BTC: variants seen among roughly 807,000 people sequenced by gnomAD.
BTC encodes probetacellulin.
BTC carries 13 observed loss-of-function variants against 18.1 expected under a neutral mutation model. That is an observed-to-expected ratio of 0.72 (90% confidence interval 0.47 to 1.14). BTC has a LOEUF of 1.14. Among genes scored for constraint, BTC ranks in the 50% most tolerant of loss-of-function variants. The probability of loss-of-function intolerance (pLI) is 0.00; values close to 1 mark genes in which losing one functional copy is unlikely to be tolerated. For missense variants in BTC, 247 were observed against 224.2 expected, an observed-to-expected ratio of 1.10 and a Z score of -0.65; for synonymous variants, 83 against 79.4, an observed-to-expected ratio of 1.05 and a Z score of -0.24.
At chr4:74,758,960 CACACACAT>C (rs1418829105) in intron 2 of BTC, among the ~76,000 whole-genome samples, 3 of 152,130 alleles carry the variant, frequency 2.0e-5, no homozygotes, top group African/African-American at 7.2e-5. Flanking sequence ...TACACACACA[CACACACAT>C]ACACACATAC....
chr4:74,773,174 A>G (rs551049662), intron 1 of BTC, among the ~76,000 whole-genome samples: 5 of 152,218 alleles, frequency 3.3e-5, no homozygotes, highest in Non-Finnish European at 5.9e-5. Flanking sequence ...ACAGTTTTTA[A>G]TAATTGAATC....
chr4:74,770,292 C>G, intron 1 of BTC, 136 bp from the exon 2 acceptor site: 1 of 669,620 alleles, frequency 1.5e-6, no homozygotes, highest in Non-Finnish European at 2.5e-6. Context: ...CACTCACTCC[C>G]AGGAAGGGAT....
chr4:74,764,716 G>T (rs941874525), intron 2 of BTC, among the ~76,000 whole-genome samples: 3 of 152,252 alleles, frequency 2.0e-5, no homozygotes, highest in African/African-American at 7.2e-5. Flanking sequence ...TTTAAGAGAA[G>T]TAATGCAGGA....
chr4:74,748,324 G>C (rs1371774287), intron 4 of BTC, among the ~76,000 whole-genome samples, 175 bp from the exon 5 acceptor site: 1 of 152,100 alleles, frequency 6.6e-6, no homozygotes, highest in South Asian at 2.1e-4. Flanking sequence ...CGAGGCAGGT[G>C]GATCACAAGG....
At position 74,749,980 on chromosome 4, in the gene BTC, CCG is replaced by C. The variant is rs1553955980; in HGVS notation, c.428+591_428+592del. 7.9e-5 allele frequency among the ~76,000 whole-genome samples: 12 copies of C among 151,414 alleles called. 1 individual carries two copies. Among genetic ancestry groups the C allele is most frequent in the African/African-American group, 2.7e-4 (11 of 41,266 alleles). ...GCTTGGTGGCACACACTTGTATTCC[CCG>C]CTACTCAGGAGGCTGAGGTATGAGG... On this transcript the variant is annotated intron_variant, in intron 4 of 5. Coordinates refer to ENST00000395743, the MANE Select transcript of BTC (RefSeq NM_001729.4).
intron 1 of BTC, among the ~76,000 whole-genome samples, chr4:74,771,445 T>C (rs1235108318): frequency 6.6e-6 from 1 of 152,178 alleles, no homozygotes; most frequent in Non-Finnish European, 1.5e-5. Flanking sequence ...TTCATGAACA[T>C]ACAGGAACAC....
At chr4:74,780,624 ATTTTTAC>A (rs1725292502) in intron 1 of BTC, among the ~76,000 whole-genome samples, 1 of 152,080 alleles carries the variant, frequency 6.6e-6, no homozygotes, top group Non-Finnish European at 1.5e-5. Context: ...GTTGTGCTTT[ATTTTTAC>A]CCTTCATAGT....
chr4:74,763,356 C>G (rs1358852095), intron 2 of BTC, among the ~76,000 whole-genome samples: 1 of 152,044 alleles, frequency 6.6e-6, no homozygotes, highest in Non-Finnish European at 1.5e-5. Context: ...AAGTTGCATC[C>G]TGCATGGTCT....
intron 1 of BTC, among the ~76,000 whole-genome samples, chr4:74,786,285 G>A (rs1216299213): frequency 6.6e-6 from 1 of 152,178 alleles, no homozygotes. Flanking sequence ...AAGACAGAGG[G>A]AAGTGGTTCT....
intron 1 of BTC, among the ~76,000 whole-genome samples, chr4:74,784,245 A>T (rs556663035): frequency 6.6e-6 from 1 of 151,708 alleles, no homozygotes; most frequent in Non-Finnish European, 1.5e-5. Flanking sequence ...AAAAAAAAAA[A>T]AAAAGAAAAA....
intron 2 of BTC, among the ~76,000 whole-genome samples, chr4:74,760,256 A>G (rs1260521267): frequency 6.6e-6 from 1 of 152,212 alleles, no homozygotes; most frequent in Non-Finnish European, 1.5e-5. Context: ...CTCTATGTAC[A>G]AATGTAAAGG....
chr4:74,792,563 C>A (rs990044784), intron 1 of BTC, among the ~76,000 whole-genome samples: 1 of 152,314 alleles, frequency 6.6e-6, no homozygotes, highest in Non-Finnish European at 1.5e-5. Context: ...CAGTCAAGCC[C>A]TGTGATGGTG....
chr4:74,751,725 T>C (rs1473828589), intron 3 of BTC, among the ~76,000 whole-genome samples: 1 of 152,178 alleles, frequency 6.6e-6, no homozygotes, highest in Non-Finnish European at 1.5e-5. Flanking sequence ...CTGAACTGCA[T>C]CAGAGAATTA....
chr4:74,790,421 G>A (rs2109923385), intron 1 of BTC, among the ~76,000 whole-genome samples: 1 of 152,286 alleles, frequency 6.6e-6, no homozygotes, highest in African/African-American at 2.4e-5. Context: ...CTTGCCCGAA[G>A]TTTCAGAGCT....
intron 2 of BTC, among the ~76,000 whole-genome samples, chr4:74,769,824 C>A (rs1443716965): frequency 6.6e-6 from 1 of 152,128 alleles, no homozygotes; most frequent in Non-Finnish European, 1.5e-5. Context: ...TGTTTTCCAG[C>A]TGTATGACCT....
chr4:74,773,755 G>A (rs1191848049), intron 1 of BTC, among the ~76,000 whole-genome samples: 2 of 151,948 alleles, frequency 1.3e-5, no homozygotes, highest in African/African-American at 4.8e-5. Context: ...GAGATTATAG[G>A]TGCCTGCCAC....
chr4:74,749,473 A>G (rs1724388836), intron 4 of BTC, among the ~76,000 whole-genome samples: 2 of 134,074 alleles, frequency 1.5e-5, no homozygotes, highest in African/African-American at 5.5e-5. Context: ...ACAGAGCAAG[A>G]CTCTGTCTCA....
chr4:74,791,069 A>G (rs1725611782), intron 1 of BTC, among the ~76,000 whole-genome samples: 1 of 152,168 alleles, frequency 6.6e-6, no homozygotes, highest in East Asian at 1.9e-4. Context: ...CTGCACTTGA[A>G]TGTCCTATCT....
Position 74,755,913 on chromosome 4 carries a change from T to C in BTC, c.227A>G (p.Tyr76Cys). Residue 76 changes from tyrosine to cysteine, a missense_variant, in exon 3 of 6, where the codon TAC (tyrosine) becomes TGC (cysteine). Tyr to Cys is a radical substitution (Grantham distance 194). Transcript: ENST00000395743. ...FSRCPKQYKH[Y>C]CIKGRCRFVV... ...GAAGCGGCATCTCCCTTTGATGCAG[T>C]AATGCTTGTATTGCTTGGGGCACCT... is the stretch of plus-strand genomic sequence containing the variant. 6.2e-7 allele frequency: 1 copy of C among 1,614,188 alleles called. No homozygotes were observed. The highest frequency in any genetic ancestry group is 8.5e-7 in the Non-Finnish European group (1 of 1,180,024).
Sources: allele counts gnomAD v4.1 joint callset (sites outside exome capture counted in the v4.1 genomes callset), GRCh38; gene constraint gnomAD v4.1.1; transcripts MANE v1.5; gene names NCBI Gene and HGNC (gene_info 2026-07-23, HGNC 2026-07-21).